The following HELZ2 variants were observed in gnomAD, a reference collection of about 807,000 sequenced individuals.
The protein encoded by HELZ2 is helicase with zinc finger 2, also known as 3'-5' exoribonuclease HELZ2.
In HELZ2, 143 loss-of-function variants were observed where a neutral mutation model predicts 208.8. That is an observed-to-expected ratio of 0.68 (90% CI 0.60 to 0.79). The LOEUF (loss-of-function observed/expected upper bound fraction) is 0.79. Ranked by LOEUF, HELZ2 falls within the 30% of genes least tolerant of loss-of-function variation. The pLI, the probability that HELZ2 is intolerant of heterozygous loss-of-function variation, is 0.00. For missense variants in HELZ2, 3,690 were observed against 3,794.5 expected, an observed-to-expected ratio of 0.97 and a Z score of 0.72; for synonymous variants, 1,705 against 1,693.7, an observed-to-expected ratio of 1.01 and a Z score of -0.16.
chr20:63,560,682 C>G (rs1186338925), exon 16 of HELZ2: 2 of 1,608,558 alleles, frequency 1.2e-6, no homozygotes, highest in Non-Finnish European at 1.7e-6. Flanking sequence ...GAGGGGAAGG[C>G]ACAGATGCCC....
chr20:63,562,675 C>T (rs775651661), exon 8 of HELZ2: 2 of 1,598,578 alleles, frequency 1.3e-6, no homozygotes, highest in Admixed American at 3.5e-5. Flanking sequence ...GGTCCCAGTC[C>T]TGCGTCTGCC....
intron 1 of HELZ2, chr20:63,571,856 A>G (rs1288784344): frequency 7.1e-4 from 104 of 146,234 alleles, no homozygotes; most frequent in Middle Eastern, 2.0e-3. Context: ...GGCTCTGCCT[A>G]CGGTGGGCTC....
chr20:63,560,749 C>A, intron 15 of HELZ2, 46 bp downstream of exon 16: 1 of 1,604,864 alleles, frequency 6.2e-7, no homozygotes, highest in Non-Finnish European at 8.5e-7. Context: ...GGTTGTGGCC[C>A]CCCAGGGGCT....
exon 8 of HELZ2, chr20:63,562,884 G>T (rs764727530): frequency 1.2e-6 from 2 of 1,603,514 alleles, no homozygotes; most frequent in African/African-American, 2.7e-5. Flanking sequence ...AGCTGCCCCT[G>T]CGGCGTCCGT....
chr20:63,563,068 C>G (rs1398500391), exon 8 of HELZ2: 6 of 1,598,474 alleles, frequency 3.8e-6, no homozygotes, highest in Non-Finnish European at 5.1e-6. Flanking sequence ...AGTCTCCGGG[C>G]CGCTCCACGT....
chr20:63,570,628 C>T lies in HELZ2; in HGVS notation c.463-17G>A. On this transcript the variant is annotated splice_polypyrimidine_tract_variant and intron_variant, in intron 2 of 18. Coordinates refer to ENST00000467148, the Ensembl canonical transcript of HELZ2. ...CTCTGCCAGCTGCGTGGAAGTCTAGCCTTCAGCAAGAGGCCTGGACCCCAC... is the reference window on the plus strand; with the variant it reads ...CTCTGCCAGCTGCGTGGAAGTCTAGTCTTCAGCAAGAGGCCTGGACCCCAC... 1.2e-6 allele frequency: 2 copies of T among 1,602,806 alleles called. No individual in the cohort carries two copies. The highest frequency in any genetic ancestry group is 1.7e-6 in the Non-Finnish European group (2 of 1,172,600).
At chr20:63,564,095 A>G in exon 8 of HELZ2, 2 of 1,608,876 alleles carry the variant, frequency 1.2e-6, no homozygotes, top group Non-Finnish European at 1.7e-6. Context: ...GTGCAGTGAC[A>G]GGGGCACCCG....
chr20:63,567,231 G>A (rs749807446), exon 6 of HELZ2: 1 of 1,607,958 alleles, frequency 6.2e-7, no homozygotes, highest in East Asian at 2.2e-5. Context: ...CGGCCGCCCG[G>A]GCCCTGGCCA....
chr20:63,570,180 G>A (rs1439792687), intron 3 of HELZ2: 52 of 474,382 alleles, frequency 1.1e-4, no homozygotes, highest in African/African-American at 4.5e-5. Context: ...GGCTGATCTC[G>A]AACTCCCGAC....
At chr20:63,561,455 A>G (rs757155465) in exon 13 of HELZ2, 2 of 1,609,190 alleles carry the variant, frequency 1.2e-6, no homozygotes, top group Non-Finnish European at 1.7e-6. Context: ...CCGGTGGTGC[A>G]GGGTGATGCT....
rs920744019 is a variant in HELZ2, at chr20:63,567,804, G to C, written c.1731-177C>G. On this transcript the variant is annotated intron_variant, in intron 5 of 18. Transcript: ENST00000467148. Reference sequence around the variant, plus strand: ...AGGAGTCCAAGGGGCAAGAGGCCACGGAGGGCTTCAGGCAACACCTGGGCG... The same window carrying C: ...AGGAGTCCAAGGGGCAAGAGGCCACCGAGGGCTTCAGGCAACACCTGGGCG... 3 of 1,406,544 alleles carry C rather than the reference G, an allele frequency of 2.1e-6. No homozygotes were observed. The East Asian group carries it at 7.5e-5, about 35-fold the overall frequency. 87.1% of individuals were successfully genotyped at this position (1,406,544 alleles called of 1,614,324 possible).
At chr20:63,558,906 A>G (rs548214011), downstream of HELZ2, 4 of 218,468 alleles carry the variant, frequency 1.8e-5, no homozygotes, top group South Asian at 1.2e-4. Flanking sequence ...CAGAGTGATT[A>G]CAGGTGGCGT....
chr20:63,565,032 G>C, exon 8 of HELZ2: 1 of 1,572,732 alleles, frequency 6.4e-7, no homozygotes, highest in South Asian at 1.1e-5. Flanking sequence ...ACCCAGAAGA[G>C]CCGGCTGTGC....
Sources: allele counts gnomAD v4.1 joint callset, GRCh38; gene constraint gnomAD v4.1.1; transcripts MANE v1.5; gene names NCBI Gene and HGNC (gene_info 2026-07-23, HGNC 2026-07-21).